The following GABRA1 variants were observed in gnomAD, a reference collection of about 807,000 sequenced individuals.
GABRA1 encodes gamma-aminobutyric acid receptor subunit alpha-1.
A neutral mutation model predicts 48.9 loss-of-function variants in GABRA1; 9 were observed. The ratio of observed to expected loss-of-function variants is 0.18; its 90% CI spans 0.11 to 0.32. The LOEUF (loss-of-function observed/expected upper bound fraction) is 0.32. Among genes scored for constraint, GABRA1 ranks in the 10% least tolerant of loss-of-function variants. The pLI, the probability that GABRA1 is intolerant of heterozygous loss-of-function variation, is 1.00. For synonymous variants in GABRA1, 210 were observed against 198.7 expected (o/e 1.06, Z -0.48); for missense variants, 285 against 553.8 (o/e 0.51, Z 4.87).
intron 3 of GABRA1, among the ~76,000 whole-genome samples, chr5:161,863,683 G>A (rs923578508): frequency 2.0e-5 from 3 of 152,044 alleles, no homozygotes; most frequent in Non-Finnish European, 2.9e-5. Context: ...GTGGATGGTG[G>A]CATTCCAGGA....
intron 7 of GABRA1, among the ~76,000 whole-genome samples, chr5:161,883,840 C>A (rs1357736630): frequency 6.6e-6 from 1 of 152,008 alleles, no homozygotes; most frequent in Non-Finnish European, 1.5e-5. Flanking sequence ...GCTTAGAAGC[C>A]CTCATTGCTA....
At chr5:161,852,151 T>C (rs936626877) in intron 2 of GABRA1, among the ~76,000 whole-genome samples, 1 of 152,026 alleles carries the variant, frequency 6.6e-6, no homozygotes, top group African/African-American at 2.4e-5. Flanking sequence ...CCATTCCAGC[T>C]GGGAAAGCAG....
intron 4 of GABRA1, among the ~76,000 whole-genome samples, chr5:161,868,668 CAG>C (rs1753981268): frequency 6.6e-6 from 1 of 152,104 alleles, no homozygotes; most frequent in Non-Finnish European, 1.5e-5. Flanking sequence ...ATGGTGCTCA[CAG>C]AGTCAATGTC....
At chr5:161,884,599 G>T (rs755301486) in intron 7 of GABRA1, among the ~76,000 whole-genome samples, 3 of 152,110 alleles carry the variant, frequency 2.0e-5, no homozygotes, top group Non-Finnish European at 4.4e-5. Flanking sequence ...TTGTTAGTCT[G>T]AATATATTGG....
chr5:161,865,067 A>G (rs560894384), intron 3 of GABRA1, among the ~76,000 whole-genome samples: 24 of 152,134 alleles, frequency 1.6e-4, no homozygotes, highest in African/African-American at 5.8e-4. Flanking sequence ...TTATTGGTTG[A>G]TGTATGTGCC....
chr5:161,850,273 A>G, intron 1 of GABRA1: 1 of 203,952 alleles, frequency 4.9e-6, no homozygotes, highest in Non-Finnish European at 9.7e-6. Context: ...AGAAATAAAT[A>G]CAGTTGCTTC....
At chr5:161,870,700 A>G (rs1047719835) in intron 4 of GABRA1, among the ~76,000 whole-genome samples, 9 of 152,202 alleles carry the variant, frequency 5.9e-5, no homozygotes, top group African/African-American at 2.2e-4. Context: ...ATCTTCATCC[A>G]GAAGCCCACT....
intron 4 of GABRA1, among the ~76,000 whole-genome samples, chr5:161,866,534 A>G (rs1245141466): frequency 2.6e-5 from 4 of 152,100 alleles, no homozygotes; most frequent in Admixed American, 2.0e-4. Flanking sequence ...ATTGAATACT[A>G]TTTTTGAAAT....
intron 7 of GABRA1, among the ~76,000 whole-genome samples, chr5:161,885,638 TG>T (rs1754811518): frequency 6.6e-6 from 1 of 152,172 alleles, no homozygotes; most frequent in Non-Finnish European, 1.5e-5. Flanking sequence ...GCACAATATT[TG>T]AATTTCTAGT....
At chr5:161,872,043 C>T (rs1215143104) in intron 4 of GABRA1, among the ~76,000 whole-genome samples, 2 of 152,026 alleles carry the variant, frequency 1.3e-5, no homozygotes, top group African/African-American at 2.4e-5. Context: ...GTCCTAATAA[C>T]GATATGTTTA....
At chr5:161,848,655 C>T (rs1757312612) in intron 1 of GABRA1, 2 of 212,340 alleles carry the variant, frequency 9.4e-6, no homozygotes, top group Non-Finnish European at 9.5e-6. Flanking sequence ...GAAACCGCAG[C>T]AATATAAGAG....
rs2113293570 is a variant in GABRA1, at chr5:161,850,815, G to A, written c.5G>A (p.Arg2Lys). The stretch of plus-strand genomic sequence containing the variant: ...TTTCAGCTGCTCCAGCCCGCGATGA[G>A]GAAAAGTCCAGGTCTGTCTGACTGT... Reference protein sequence around the residue: MRKSPGLSDCLW... With the variant: MKKSPGLSDCLW... The change falls in exon 2 of 10, where the codon AGG (arginine) becomes AAG (lysine). Residue 2 changes from arginine (R) to lysine (K), a missense_variant. Coordinates refer to ENST00000393943, the MANE Select transcript of GABRA1 (RefSeq NM_001127644.2). 6.2e-7 allele frequency: 1 copy of A among 1,614,096 alleles called. No individual in the cohort carries two copies. Among genetic ancestry groups the A allele is most frequent in the Non-Finnish European group, 8.5e-7 (1 of 1,179,976 alleles).
At chr5:161,852,850 T>C (rs532745878) in intron 2 of GABRA1, among the ~76,000 whole-genome samples, 13 of 152,032 alleles carry the variant, frequency 8.6e-5, no homozygotes, top group African/African-American at 3.1e-4. Context: ...GATACGAAAT[T>C]AATTACCTGC....
rs1451264954 is a variant in GABRA1 at position 161,891,351 on chromosome 5, CTT to C, written c.856+302_856+303del. On this transcript the variant is annotated intron_variant, in intron 8 of 9. Coordinates refer to ENST00000393943, the MANE Select transcript of GABRA1 (RefSeq NM_001127644.2). ...AATATTAAAAACTCATAAATAAAAA[CTT>C]AATATTTAAACAATATATTTAGAAT... is the stretch of plus-strand genomic sequence containing the variant. Among the ~76,000 whole-genome samples the C allele has an allele frequency of 2.6e-5, 4 of 152,020 alleles. No homozygotes were observed. In the South Asian group the frequency reaches 8.3e-4, roughly 31 times the overall value.
Position 161,854,177 on chromosome 5 carries a change from C to A in GABRA1, c.94C>A (p.Gln32Lys), listed in dbSNP as rs769743354. Residue 32 changes from glutamine to lysine, a missense_variant, in exon 3 of 10, where the codon CAA becomes AAA. Gln to Lys is a moderately conservative substitution (Grantham distance 53). This residue lies in a region of GABRA1 where 45 missense variants were observed against 39.9 expected (regional missense o/e 1.13). Transcript: ENST00000393943. ...TGRSYGQPSL[Q>K]DELKDNTTVF... ...TTTCAGCTATGGACAGCCGTCATTACAAGATGAACTTAAAGACAATACCAC... is the reference window on the plus strand; with the variant it reads ...TTTCAGCTATGGACAGCCGTCATTAAAAGATGAACTTAAAGACAATACCAC... 11 of 1,600,746 alleles carry A rather than the reference C, an allele frequency of 6.9e-6. No individual in the cohort carries two copies. Among genetic ancestry groups the A allele is most frequent in the East Asian group, 2.2e-5 (1 of 44,738 alleles).
intron 2 of GABRA1, chr5:161,853,843 T>C (rs1012834728): frequency 1.1e-5 from 2 of 190,048 alleles, no homozygotes; most frequent in African/African-American, 4.7e-5. Flanking sequence ...TATTTTTTTT[T>C]ATGTGCATTA....
intron 8 of GABRA1, among the ~76,000 whole-genome samples, chr5:161,894,154 T>G (rs1755253512): frequency 6.6e-6 from 1 of 152,214 alleles, no homozygotes; most frequent in African/African-American, 2.4e-5. Context: ...GCTAAACACT[T>G]CATTGCATTA....
intron 8 of GABRA1, among the ~76,000 whole-genome samples, chr5:161,892,778 G>A (rs904972104): frequency 1.3e-5 from 2 of 152,214 alleles, no homozygotes; most frequent in South Asian, 4.1e-4. Flanking sequence ...GCCGAGGCGG[G>A]TGGATCACGA....
At chr5:161,892,899 G>A (rs952987308) in intron 8 of GABRA1, among the ~76,000 whole-genome samples, 1 of 151,714 alleles carries the variant, frequency 6.6e-6, no homozygotes, top group Non-Finnish European at 1.5e-5. Flanking sequence ...AGCTACTCGG[G>A]AGGCTGAGGC....
Sources: allele counts gnomAD v4.1 joint callset (sites outside exome capture counted in the v4.1 genomes callset), GRCh38; gene constraint gnomAD v4.1.1; regional missense constraint gnomAD v4.1.1; transcripts MANE v1.5; gene names NCBI Gene and HGNC (gene_info 2026-07-23, HGNC 2026-07-21).